The following LIMD1 variants were observed in gnomAD, a reference collection of about 807,000 sequenced individuals.
LIMD1 encodes LIM domain-containing protein 1.
Under a neutral mutation model 58.4 loss-of-function variants are expected in LIMD1, and 23 were observed. That is an observed-to-expected ratio of 0.39 (90% CI 0.28 to 0.56). The LOEUF is 0.56. Ranked by LOEUF, LIMD1 falls within the 20% of genes least tolerant of loss-of-function variation. LIMD1 has a pLI of 0.57. For missense variants in LIMD1, 838 were observed against 855.5 expected, an observed-to-expected ratio of 0.98 and a Z score of 0.25; for synonymous variants, 334 against 345.5, an observed-to-expected ratio of 0.97 and a Z score of 0.37.
intron 2 of LIMD1, among the ~76,000 whole-genome samples, chr3:45,663,531 C>T (rs1697471011): frequency 6.6e-6 from 1 of 152,092 alleles, no homozygotes; most frequent in African/African-American, 2.4e-5. Context: ...TTGCATTATC[C>T]TGATTGTTGA....
rs529724602 is a variant in LIMD1 at position 45,609,403 on chromosome 3, G to A, written c.1408+13116G>A. On this transcript the variant is annotated intron_variant, in intron 1 of 7. Coordinates refer to ENST00000273317, the MANE Select transcript of LIMD1 (RefSeq NM_014240.3). ...CTTCTTTTTTCTTTTTAATTCATAG[G>A]TGTGATCATAGTACACTACAGCCTC... Among the ~76,000 whole-genome samples, 47 of 152,274 alleles carry A rather than the reference G, an allele frequency of 3.1e-4. 1 individual carries two copies. In the South Asian group the frequency reaches 5.2e-3, roughly 17 times the overall value.
intron 1 of LIMD1, among the ~76,000 whole-genome samples, chr3:45,629,426 A>AAAG (rs71288021): frequency 0.041 from 6,002 of 147,962 alleles, 172 homozygotes; most frequent in East Asian, 0.12. Flanking sequence ...AAAAAAAAAA[A>AAAG]AAAAGAAAAG....
chr3:45,626,291 G>A (rs1247783595), intron 1 of LIMD1, among the ~76,000 whole-genome samples: 2 of 152,166 alleles, frequency 1.3e-5, no homozygotes, highest in African/African-American at 4.8e-5. Flanking sequence ...ACCTGCACAC[G>A]AATGTTTATA....
At chr3:45,655,833 A>T (rs181123299) in intron 2 of LIMD1, among the ~76,000 whole-genome samples, 202 of 152,320 alleles carry the variant, frequency 1.3e-3, no homozygotes, top group African/African-American at 4.7e-3. Context: ...ATAACAAGTC[A>T]GTGAGGACAG....
chr3:45,630,798 C>T (rs1701721429), intron 1 of LIMD1, among the ~76,000 whole-genome samples: 1 of 152,114 alleles, frequency 6.6e-6, no homozygotes, highest in Admixed American at 6.5e-5. Flanking sequence ...GGAACTGGGG[C>T]TCAGATTCCC....
In LIMD1 at chr3:45,682,973, A is replaced by G. The variant is rs188495089; in HGVS notation, c.*5914A>G. The G allele has an allele frequency of 1.8e-4, 27 of 152,378 alleles. No homozygotes were observed. The highest frequency in any genetic ancestry group is 6.3e-4 in the African/African-American group (26 of 41,558). 9.4% of individuals were successfully genotyped at this position (152,378 alleles called of 1,614,324 possible). On this transcript the variant is annotated 3_prime_UTR_variant, in exon 8 of 8. Coordinates refer to ENST00000273317, the MANE Select transcript of LIMD1 (RefSeq NM_014240.3). ...GAAGCGAATTGCTTCCAGAGGTGCT[A>G]TAGGGTGCTGCCCATTCCTTGCCCC...
chr3:45,596,665 G>A (rs1701359004), intron 1 of LIMD1, among the ~76,000 whole-genome samples: 1 of 151,972 alleles, frequency 6.6e-6, no homozygotes, highest in Non-Finnish European at 1.5e-5. Flanking sequence ...TTTCTCAGGG[G>A]CAGCTACCCC....
At chr3:45,604,373 T>G (rs1028934094) in intron 1 of LIMD1, among the ~76,000 whole-genome samples, 5 of 152,176 alleles carry the variant, frequency 3.3e-5, no homozygotes, top group African/African-American at 4.8e-5. Context: ...CCACAGCACT[T>G]CTCTTCAGAG....
rs548288533 is a variant in LIMD1, at chr3:45,650,145, G to A, written c.1510+13894G>A. On this transcript the variant is annotated intron_variant, in intron 2 of 7. Coordinates refer to ENST00000273317, the MANE Select transcript of LIMD1 (RefSeq NM_014240.3). Reference sequence around the variant, plus strand: ...CTCCAATCTTAGGCATCTTGAAGTTGTCCCAGAGCTCACTTATGCCCATTT... The same window carrying A: ...CTCCAATCTTAGGCATCTTGAAGTTATCCCAGAGCTCACTTATGCCCATTT... Among the ~76,000 whole-genome samples the A allele has an allele frequency of 9.9e-5, 15 of 152,010 alleles. No homozygotes were observed. In the South Asian group the frequency reaches 1.5e-3, roughly 15 times the overall value.
In LIMD1 at chr3:45,615,416, T is replaced by TA. The variant is rs1575346722; in HGVS notation, c.1408+19130dup. ...ACTTTTGTTACATGGATCTATTGCC[T>TA]ACTGGTGAAATCTGGGTTTTAGTGT... is the stretch of plus-strand genomic sequence containing the variant. On this transcript the variant is annotated intron_variant, in intron 1 of 7. Coordinates refer to ENST00000273317, the MANE Select transcript of LIMD1 (RefSeq NM_014240.3). 2.6e-5 allele frequency among the ~76,000 whole-genome samples: 4 copies of TA among 152,300 alleles called. No individual in the cohort carries two copies. In the East Asian group the frequency reaches 7.7e-4, roughly 29 times the overall value.
At chr3:45,613,695 G>A (rs942082585) in intron 1 of LIMD1, among the ~76,000 whole-genome samples, 1 of 149,116 alleles carries the variant, frequency 6.7e-6, no homozygotes, top group African/African-American at 2.5e-5. Context: ...ATGGGATCTC[G>A]CTATGTTGTC....
At chr3:45,622,513 G>A (rs1701636785) in intron 1 of LIMD1, among the ~76,000 whole-genome samples, 2 of 152,088 alleles carry the variant, frequency 1.3e-5, no homozygotes, top group Admixed American at 1.3e-4. Context: ...CACAATTATA[G>A]CAGTTCACTG....
chr3:45,662,276 A>AGT (rs139596165), intron 2 of LIMD1, among the ~76,000 whole-genome samples: 9,301 of 111,478 alleles, frequency 0.083, 740 homozygotes, highest in African/African-American at 0.2. Flanking sequence ...GTTTCACCTA[A>AGT]GTGTGTGTGT....
chr3:45,645,176 G>A (rs962732981), intron 2 of LIMD1, among the ~76,000 whole-genome samples: 12 of 152,198 alleles, frequency 7.9e-5, no homozygotes, highest in African/African-American at 2.9e-4. Context: ...TCGGAAGAGA[G>A]TGGAGGGGCC....
chr3:45,644,880 G>A (rs1701885878), intron 2 of LIMD1, among the ~76,000 whole-genome samples: 1 of 152,298 alleles, frequency 6.6e-6, no homozygotes, highest in East Asian at 1.9e-4. Flanking sequence ...AGTGGCCTGG[G>A]GCTGGGAATA....
chr3:45,650,427 A>G (rs181102944), intron 2 of LIMD1, among the ~76,000 whole-genome samples: 4,562 of 152,118 alleles, frequency 0.03, 75 homozygotes, highest in Non-Finnish European at 0.041. Flanking sequence ...ATGTTGGCTT[A>G]CTGTACCCAT....
At chr3:45,643,199 TG>T (rs1227472774) in intron 2 of LIMD1, among the ~76,000 whole-genome samples, 1 of 152,092 alleles carries the variant, frequency 6.6e-6, no homozygotes, top group Non-Finnish European at 1.5e-5. Context: ...AAGAATAGTC[TG>T]GGAGGCCAGG....
At chr3:45,622,947 C>T (rs934116929) in intron 1 of LIMD1, among the ~76,000 whole-genome samples, 1 of 152,082 alleles carries the variant, frequency 6.6e-6, no homozygotes, top group Non-Finnish European at 1.5e-5. Context: ...TGATTACAGG[C>T]GTGAGCCACC....
intron 1 of LIMD1, among the ~76,000 whole-genome samples, chr3:45,605,563 T>A (rs1313989097): frequency 1.3e-5 from 2 of 152,080 alleles, no homozygotes; most frequent in African/African-American, 2.4e-5. Context: ...GATTCTTGGA[T>A]CTCTGGCCAA....
Sources: gnomAD v4.1 joint callset for allele counts (sites outside exome capture counted in the v4.1 genomes callset) on GRCh38, gnomAD v4.1.1 for gene constraint, MANE v1.5 for transcripts, NCBI Gene and HGNC (gene_info 2026-07-23, HGNC 2026-07-21) for gene names.